Variants in MAP6 observed in about 807,000 individuals in gnomAD.
MAP6 encodes the protein microtubule-associated protein 6.
In MAP6, 26 loss-of-function variants were observed where a neutral mutation model predicts 42.4. The ratio of observed to expected loss-of-function variants is 0.61; its 90% confidence interval spans 0.45 to 0.85. The LOEUF (loss-of-function observed/expected upper bound fraction) is 0.85. Among genes scored for constraint, MAP6 ranks in the 40% least tolerant of loss-of-function variants. The probability of loss-of-function intolerance (pLI) is 0.00; values close to 1 mark genes in which losing one functional copy is unlikely to be tolerated. For missense variants in MAP6, 966 were observed against 1,099.0 expected (o/e 0.88, Z 1.71); for synonymous variants, 418 against 443.8 (o/e 0.94, Z 0.73).
chr11:75,635,072 G>T (rs1943346746), intron 1 of MAP6, among the ~76,000 whole-genome samples: 1 of 152,184 alleles, frequency 6.6e-6, no homozygotes, highest in Non-Finnish European at 1.5e-5. Context: ...GAAAGTTTAA[G>T]GCTCATAAAA....
At chr11:75,664,679 G>C (rs1363781956) in intron 1 of MAP6, among the ~76,000 whole-genome samples, 1 of 152,202 alleles carries the variant, frequency 6.6e-6, no homozygotes, top group African/African-American at 2.4e-5. Flanking sequence ...AGTGGACATG[G>C]TACTTACTTA....
chr11:75,667,706 C>G lies in MAP6; in HGVS notation c.664G>C (p.Ala222Pro), dbSNP rs943750127. Reference protein sequence around the residue: ...AREQEAAPGGAGGLAAGKASG... With the variant: ...AREQEAAPGGPGGLAAGKASG... Reference sequence around the variant, plus strand: ...GCCTTTCCGGCCGCCAGGCCACCCGCTCCGCCGGGGGCCGCCTCCTGCTCC... The same window carrying G: ...GCCTTTCCGGCCGCCAGGCCACCCGGTCCGCCGGGGGCCGCCTCCTGCTCC... The change falls in exon 1 of 4, where the codon GCG (alanine) becomes CCG (proline). Residue 222 changes from alanine (A) to proline (P), a missense_variant. Ala to Pro is a conservative substitution (Grantham distance 27). Coordinates refer to ENST00000304771, the MANE Select transcript of MAP6 (RefSeq NM_033063.2). The surrounding 1 kb of genome is among the most constrained non-coding windows in gnomAD (Gnocchi z 5.6). 5.9e-5 allele frequency: 76 copies of G among 1,284,150 alleles called. No individual in the cohort carries two copies. The highest frequency in any genetic ancestry group is 1.6e-4 in the Admixed American group (4 of 25,464). 79.5% of individuals were successfully genotyped at this position (1,284,150 alleles called of 1,614,324 possible).
chr11:75,587,033 T>C lies in MAP6; in HGVS notation c.*26A>G. The C allele has an allele frequency of 6.5e-7, 1 of 1,535,436 alleles. No homozygotes were observed. Among genetic ancestry groups the C allele is most frequent in the Non-Finnish European group, 8.8e-7 (1 of 1,142,790 alleles). On this transcript the variant is annotated 3_prime_UTR_variant, in exon 4 of 4. Coordinates refer to ENST00000304771, the MANE Select transcript of MAP6 (RefSeq NM_033063.2). ...GGGGAGCACTCTCACTGTCAGCTCC[T>C]TCATTGGTGTGTCAAGGGGTGAGTG...
intron 1 of MAP6, among the ~76,000 whole-genome samples, chr11:75,609,679 T>C (rs1241687216): frequency 1.3e-5 from 2 of 152,212 alleles, no homozygotes; most frequent in African/African-American, 4.8e-5. Flanking sequence ...ACTGAGCCAC[T>C]TGCCGGTTAT....
intron 2 of MAP6, among the ~76,000 whole-genome samples, 164 bp from the exon 3 acceptor site, chr11:75,606,168 G>C (rs548001170): frequency 6.6e-6 from 1 of 152,170 alleles, no homozygotes; most frequent in Non-Finnish European, 1.5e-5. Context: ...TAGGGCATTC[G>C]GCATCTCCCG....
intron 2 of MAP6, 69 bp downstream of exon 2, chr11:75,608,040 C>A (rs939882043): frequency 1.8e-5 from 26 of 1,462,354 alleles, no homozygotes; most frequent in African/African-American, 5.6e-5. Flanking sequence ...GCAGCCCACC[C>A]CATGCTCTGC....
chr11:75,646,580 G>A (rs543414748), intron 1 of MAP6, among the ~76,000 whole-genome samples: 2 of 151,738 alleles, frequency 1.3e-5, no homozygotes, highest in East Asian at 1.9e-4. Context: ...CGAGGTGGGC[G>A]GATCACCTGA....
intron 3 of MAP6, among the ~76,000 whole-genome samples, chr11:75,593,408 C>G (rs1163698316): frequency 2.0e-5 from 3 of 152,194 alleles, no homozygotes; most frequent in African/African-American, 7.2e-5. Flanking sequence ...AAGGTAATGC[C>G]TCCTGAGTGC....
In MAP6 at chr11:75,587,516, C is replaced by T. The variant is rs1295016362; in HGVS notation, c.1985G>A (p.Gly662Asp). 6.2e-7 allele frequency: 1 copy of T among 1,614,134 alleles called. No homozygotes were observed. Among genetic ancestry groups the T allele is most frequent in the Non-Finnish European group, 8.5e-7 (1 of 1,180,018 alleles). The change falls in exon 4 of 4, where the codon GGT becomes GAT. Residue 662 changes from glycine to aspartate, a missense_variant. Physicochemically the swap from Gly to Asp is moderately conservative, Grantham distance 94. This residue lies in a region of MAP6 where 943 missense variants were observed against 1,049.9 expected (regional missense o/e 0.90). Coordinates refer to ENST00000304771, the MANE Select transcript of MAP6 (RefSeq NM_033063.2). ...CTTTACAGGCTCAGAGACCATGGAACCTTGATTCTTTATGGGTGCTGTGGC... is the reference window on the plus strand; with the variant it reads ...CTTTACAGGCTCAGAGACCATGGAATCTTGATTCTTTATGGGTGCTGTGGC... ...AMATAPIKNQ[G>D]SMVSEPVKNQ...
At chr11:75,616,180 C>A (rs938342184) in intron 1 of MAP6, among the ~76,000 whole-genome samples, 2 of 152,098 alleles carry the variant, frequency 1.3e-5, no homozygotes, top group African/African-American at 4.8e-5. Flanking sequence ...TGGATTGCTG[C>A]CAACTATGAT....
rs1942394575 is a variant in MAP6, at chr11:75,588,005, A to G, written c.1496T>C (p.Met499Thr). 1 of 1,614,064 alleles carries G rather than the reference A, an allele frequency of 6.2e-7. No homozygotes were observed. The highest frequency in any genetic ancestry group is 1.1e-5 in the South Asian group (1 of 91,088). ...VPGPPKDLGP[M>T]IPLPVKDQDH... ...TTGATCCTTGACTGGTAATGGGATCATGGGACCTAGATCCTTTGGAGGCCC... is the reference window on the plus strand; with the variant it reads ...TTGATCCTTGACTGGTAATGGGATCGTGGGACCTAGATCCTTTGGAGGCCC... The change falls in exon 4 of 4, where the codon ATG becomes ACG. Residue 499 changes from methionine to threonine, a missense_variant. By Grantham distance (81) the Met-to-Thr change is moderately conservative. Transcript: ENST00000304771.
At chr11:75,625,270 T>C (rs1051551295) in intron 1 of MAP6, among the ~76,000 whole-genome samples, 42 of 152,280 alleles carry the variant, frequency 2.8e-4, no homozygotes, top group African/African-American at 9.4e-4. Flanking sequence ...TCCAAGCCCA[T>C]CATGTCATGT....
intron 3 of MAP6, chr11:75,604,221 C>A (rs1363578104): frequency 1.0e-6 from 1 of 985,748 alleles, no homozygotes; most frequent in Non-Finnish European, 1.2e-6. Context: ...TCATGTAGCA[C>A]ACGCCGAATT....
intron 1 of MAP6, among the ~76,000 whole-genome samples, chr11:75,619,278 A>T (rs1334406839): frequency 6.6e-6 from 1 of 152,270 alleles, no homozygotes; most frequent in African/African-American, 2.4e-5. Flanking sequence ...AAGAAGAAAT[A>T]GAAAACCTGA....
At chr11:75,657,357 C>T (rs1230983493) in intron 1 of MAP6, among the ~76,000 whole-genome samples, 8 of 152,110 alleles carry the variant, frequency 5.3e-5, no homozygotes, top group South Asian at 4.1e-4. Flanking sequence ...GTGATCCGCC[C>T]GCCTTGGTGT....
intron 1 of MAP6, among the ~76,000 whole-genome samples, chr11:75,662,751 G>C (rs1398860131): frequency 6.6e-6 from 1 of 152,124 alleles, no homozygotes; most frequent in Non-Finnish European, 1.5e-5. Context: ...AAACTTGGTT[G>C]CCCAGGCTAC....
intron 1 of MAP6, among the ~76,000 whole-genome samples, chr11:75,609,837 C>T (rs999021628): frequency 3.3e-5 from 5 of 152,070 alleles, no homozygotes; most frequent in Admixed American, 6.6e-5. Flanking sequence ...TGTTATGGTT[C>T]GAATGTTTGT....
rs1347994325 is a variant in MAP6, at chr11:75,588,169, G to A, written c.1332C>T (p.Pro444=). The change falls in exon 4 of 4, where the codon CCC becomes CCT. Residue 444 remains proline (P), a synonymous_variant. Transcript: ENST00000304771. ...LAEAKESLAQ[P]VSDSSKTQGP... ...CTTGAGTCTTACTTGAATCACTGACGGGTTGAGCCAGGCTCCTGCAAAGGA... is the reference window on the plus strand; with the variant it reads ...CTTGAGTCTTACTTGAATCACTGACAGGTTGAGCCAGGCTCCTGCAAAGGA... The A allele has an allele frequency of 5.6e-6, 9 of 1,612,092 alleles. No individual in the cohort carries two copies. Among genetic ancestry groups the A allele is most frequent in the South Asian group, 3.3e-5 (3 of 90,920 alleles).
At chr11:75,663,569 G>C (rs755504711) in intron 1 of MAP6, among the ~76,000 whole-genome samples, 1 of 152,118 alleles carries the variant, frequency 6.6e-6, no homozygotes, top group Non-Finnish European at 1.5e-5. Flanking sequence ...ATGACGTGGT[G>C]GGGGAGACAG....
Sources: gnomAD v4.1 joint callset for allele counts (sites outside exome capture counted in the v4.1 genomes callset) on GRCh38, gnomAD v4.1.1 for gene constraint, gnomAD v4.1.1 regional missense constraint, Gnocchi (gnomAD v3.1) non-coding constraint, MANE v1.5 for transcripts, NCBI Gene and HGNC (gene_info 2026-07-23, HGNC 2026-07-21) for gene names.